The following RSPH9 variants were observed in gnomAD, a reference collection of about 807,000 sequenced individuals.
RSPH9 encodes radial spoke head protein 9 homolog.
In RSPH9, 27 loss-of-function variants were observed where a neutral mutation model predicts 27.0. That is an observed-to-expected ratio of 1.00 (90% CI 0.74 to 1.38). The LOEUF is 1.38. Among genes scored for constraint, RSPH9 ranks in the 40% most tolerant of loss-of-function variants. The pLI, the probability that RSPH9 is intolerant of heterozygous loss-of-function variation, is 0.00. For missense variants in RSPH9, 347 were observed against 357.4 expected (o/e 0.97, Z 0.24); for synonymous variants, 145 against 147.7 (o/e 0.98, Z 0.13).
intron 2 of RSPH9, 58 bp downstream of exon 2, chr6:43,650,598 C>A: frequency 6.3e-7 from 1 of 1,592,666 alleles, no homozygotes; most frequent in Non-Finnish European, 8.6e-7. Flanking sequence ...TCATCCAAAA[C>A]CCAGCCTAAT....
At chr6:43,670,402 G>A (rs1438749795) in intron 4 of RSPH9, among the ~76,000 whole-genome samples, 1 of 152,118 alleles carries the variant, frequency 6.6e-6, no homozygotes, top group Non-Finnish European at 1.5e-5. Context: ...GGGAGTTTGA[G>A]ACCAGCCTGG....
chr6:43,662,755 C>G (rs913808947), intron 4 of RSPH9, among the ~76,000 whole-genome samples: 3 of 152,154 alleles, frequency 2.0e-5, no homozygotes, highest in Admixed American at 6.5e-5. Flanking sequence ...CACAGCTTAG[C>G]TGTTTGGTAT....
Position 43,671,702 on chromosome 6 carries a change from G to A in RSPH9, c.*753G>A. The stretch of plus-strand genomic sequence containing the variant: ...AGTATAGTTGTGGCCAAGGGCTTGT[G>A]AGTGGGCCTCCTACTCCCCAGCACA... On this transcript the variant is annotated 3_prime_UTR_variant, in exon 5 of 5. Coordinates refer to ENST00000372163, the MANE Select transcript of RSPH9 (RefSeq NM_152732.5). 5.6e-6 allele frequency: 9 copies of A among 1,600,798 alleles called. No individual in the cohort carries two copies. Among genetic ancestry groups the A allele is most frequent in the Non-Finnish European group, 6.8e-6 (8 of 1,169,112 alleles).
intron 2 of RSPH9, among the ~76,000 whole-genome samples, chr6:43,652,734 T>G (rs1168823295): frequency 6.6e-6 from 1 of 151,194 alleles, no homozygotes; most frequent in Non-Finnish European, 1.5e-5. Flanking sequence ...CTTCCGGTTT[T>G]TTTTTTTTTT....
At chr6:43,652,673 G>A (rs1437501213) in intron 2 of RSPH9, among the ~76,000 whole-genome samples, 1 of 149,852 alleles carries the variant, frequency 6.7e-6, no homozygotes, top group Non-Finnish European at 1.5e-5. Flanking sequence ...TGATCCGCCC[G>A]CCTCGGCCTC....
chr6:43,663,738 CA>C (rs1333741826), intron 4 of RSPH9, among the ~76,000 whole-genome samples: 3 of 148,156 alleles, frequency 2.0e-5, no homozygotes, highest in Admixed American at 2.0e-4. Context: ...ATAATAATAA[CA>C]AAAAAAAGGG....
At chr6:43,670,504 A>G (rs1396678923) in intron 4 of RSPH9, among the ~76,000 whole-genome samples, 7 of 152,132 alleles carry the variant, frequency 4.6e-5, no homozygotes, top group African/African-American at 1.7e-4. Context: ...TCTGGAGGCT[A>G]AGGTGGGAGG....
intron 2 of RSPH9, among the ~76,000 whole-genome samples, chr6:43,655,058 A>G (rs1257562250): frequency 6.6e-6 from 1 of 152,136 alleles, no homozygotes; most frequent in East Asian, 1.9e-4. Context: ...AAACATGAAG[A>G]AAGTATACCA....
Position 43,645,233 on chromosome 6 carries a change from C to T in RSPH9, c.135C>T (p.Leu45=), listed in dbSNP as rs765016716. 17 of 1,613,968 alleles carry T rather than the reference C, an allele frequency of 1.1e-5. No individual in the cohort carries two copies. Among genetic ancestry groups the T allele is most frequent in the East Asian group, 2.2e-5 (1 of 44,892 alleles). The change falls in exon 1 of 5, where the codon CTC becomes CTT. Residue 45 remains leucine, a synonymous_variant. Coordinates refer to ENST00000372163, the MANE Select transcript of RSPH9 (RefSeq NM_152732.5). ...GCGACTACCGCTATGATCGGGTTCT[C>T]TTCTGGGGCCGCATCCTTGGCCTCG... ...VKRDYRYDRV[L]FWGRILGLVA...
intron 4 of RSPH9, among the ~76,000 whole-genome samples, chr6:43,661,029 T>C (rs1772559193): frequency 6.6e-6 from 1 of 152,178 alleles, no homozygotes; most frequent in Non-Finnish European, 1.5e-5. Flanking sequence ...GAGCACAACA[T>C]TAATCTCGTT....
At chr6:43,669,282 C>T (rs950877635) in intron 4 of RSPH9, among the ~76,000 whole-genome samples, 6 of 152,178 alleles carry the variant, frequency 3.9e-5, no homozygotes, top group African/African-American at 7.2e-5. Flanking sequence ...GTGAGCTTTG[C>T]GATTGGCTTC....
In RSPH9 at chr6:43,647,181, C is replaced by T. The variant is rs138486530; in HGVS notation, c.227+1856C>T. 3.0e-3 allele frequency among the ~76,000 whole-genome samples: 443 copies of T among 145,384 alleles called. 2 individuals are homozygous for T. The highest frequency in any genetic ancestry group is 0.01 in the African/African-American group (422 of 40,958). ...ACTTTAAAAATAAATAGGCCAGCAA[C>T]GGCCTATTTATTTAGGGAACAGTTA... is the stretch of plus-strand genomic sequence containing the variant. On this transcript the variant is annotated intron_variant, in intron 1 of 4. Coordinates refer to ENST00000372163, the MANE Select transcript of RSPH9 (RefSeq NM_152732.5).
rs2295945 is a variant in RSPH9 at position 43,655,377 on chromosome 6, C to T, written c.394-185C>T. ...CCCTTATGTATTACGAATTAAAAAA[C>T]AAATAAAAAGAAAGGAAGAAAATCT... On this transcript the variant is annotated intron_variant, in intron 2 of 4. Coordinates refer to ENST00000372163, the MANE Select transcript of RSPH9 (RefSeq NM_152732.5). Among the ~76,000 whole-genome samples the T allele has an allele frequency of 0.13, 20,159 of 152,144 alleles. 2,310 individuals are homozygous for T. The highest frequency in any genetic ancestry group is 0.3 in the African/African-American group (12,460 of 41,478).
At position 43,671,642 on chromosome 6, in the gene RSPH9, G is replaced by T; in HGVS notation, c.*693G>T. ...CCACTGTCCCCTGTCCATGCATGTT[G>T]GAGGGACCAGGCCATCGTGGTGGGG... On this transcript the variant is annotated 3_prime_UTR_variant, in exon 5 of 5. Coordinates refer to ENST00000372163, the MANE Select transcript of RSPH9 (RefSeq NM_152732.5). The T allele has an allele frequency of 8.4e-7, 1 of 1,197,062 alleles. No homozygotes were observed. The highest frequency in any genetic ancestry group is 1.2e-6 in the Non-Finnish European group (1 of 825,376). The allele number at this position is 1,197,062 out of a possible 1,614,324, so 74.2% of individuals were successfully genotyped here. A position where few individuals can be genotyped will look rare whatever the true frequency, so the allele number is the denominator to read the frequency against.
intron 4 of RSPH9, among the ~76,000 whole-genome samples, chr6:43,667,953 C>T (rs1773311991): frequency 6.6e-6 from 1 of 152,074 alleles, no homozygotes; most frequent in Non-Finnish European, 1.5e-5. Flanking sequence ...GTAAGTACGC[C>T]CTAGCCTGAG....
intron 4 of RSPH9, 147 bp downstream of exon 4, chr6:43,656,870 C>T (rs1485175832): frequency 1.3e-5 from 11 of 824,620 alleles, no homozygotes; most frequent in Non-Finnish European, 2.1e-5. Flanking sequence ...GGAGCTTCCC[C>T]AGGGCCCAGC....
chr6:43,662,757 G>A (rs930653808), intron 4 of RSPH9, among the ~76,000 whole-genome samples: 1 of 152,136 alleles, frequency 6.6e-6, no homozygotes, highest in Non-Finnish European at 1.5e-5. Context: ...CAGCTTAGCT[G>A]TTTGGTATAA....
chr6:43,650,860 G>A (rs540546044), intron 2 of RSPH9, among the ~76,000 whole-genome samples: 203 of 149,750 alleles, frequency 1.4e-3, no homozygotes, highest in African/African-American at 4.6e-3. Context: ...AGCTGAGATC[G>A]CGCCACTGCA....
At chr6:43,667,202 A>C (rs1773229636) in intron 4 of RSPH9, among the ~76,000 whole-genome samples, 1 of 152,204 alleles carries the variant, frequency 6.6e-6, no homozygotes, top group African/African-American at 2.4e-5. Context: ...GATCAAATGA[A>C]ACAGAGGATG....
Sources: allele counts gnomAD v4.1 joint callset (sites outside exome capture counted in the v4.1 genomes callset), GRCh38; gene constraint gnomAD v4.1.1; transcripts MANE v1.5; gene names NCBI Gene and HGNC (gene_info 2026-07-23, HGNC 2026-07-21).